Variants in NOTCH1 observed in about 807,000 individuals in gnomAD.
NOTCH1 encodes the protein notch receptor 1.
A neutral mutation model predicts 254.8 loss-of-function variants in NOTCH1; 37 were observed. That is an observed-to-expected ratio of 0.15 (90% CI 0.11 to 0.19). The LOEUF (loss-of-function observed/expected upper bound fraction) is 0.19, where lower values mean the gene tolerates loss of function less well. Ranked by LOEUF, NOTCH1 falls within the 10% of genes least tolerant of loss-of-function variation. The pLI is 1.00. For missense variants in NOTCH1, 2,972 were observed against 3,708.6 expected, an observed-to-expected ratio of 0.80 and a Z score of 5.16; for synonymous variants, 1,731 against 1,618.1, an observed-to-expected ratio of 1.07 and a Z score of -1.68.
chr9:136,537,139 G>A (rs980219059), intron 2 of NOTCH1, among the ~76,000 whole-genome samples: 5 of 152,188 alleles, frequency 3.3e-5, no homozygotes, highest in African/African-American at 1.2e-4. Context: ...TGGCTGCACC[G>A]GCCCAGAGTG....
chr9:136,525,388 C>T (rs1373192351), intron 2 of NOTCH1, among the ~76,000 whole-genome samples: 2 of 152,036 alleles, frequency 1.3e-5, no homozygotes, highest in Non-Finnish European at 2.9e-5. Flanking sequence ...CCTGGCCTTG[C>T]GCTCCGGGAA....
At chr9:136,541,076 CT>C (rs1843726169) in intron 2 of NOTCH1, among the ~76,000 whole-genome samples, 1 of 152,172 alleles carries the variant, frequency 6.6e-6, no homozygotes, top group Non-Finnish European at 1.5e-5. Flanking sequence ...CAGTGACCCC[CT>C]GGGCCTGCTC....
intron 4 of NOTCH1, among the ~76,000 whole-genome samples, chr9:136,519,962 G>A (rs1843340756): frequency 6.6e-6 from 1 of 152,208 alleles, no homozygotes; most frequent in East Asian, 1.9e-4. Context: ...CTGAGCAGCA[G>A]GGGGACATGG....
rs1332025689 is a variant in NOTCH1, at chr9:136,516,183, C to A, written c.1556-89G>T. Reference sequence around the variant, plus strand: ...CTGGCCAGACCCCAGCAGTGAGCGCCTGGCTGGGCTCCCCAGGGCACACTC... The same window carrying A: ...CTGGCCAGACCCCAGCAGTGAGCGCATGGCTGGGCTCCCCAGGGCACACTC... On this transcript the variant is annotated intron_variant, in intron 9 of 33. Coordinates refer to ENST00000651671, the MANE Select transcript of NOTCH1 (RefSeq NM_017617.5). 2.6e-5 allele frequency: 25 copies of A among 978,198 alleles called. No individual in the cohort carries two copies. In the East Asian group the frequency reaches 6.3e-4, roughly 25 times the overall value. The allele number at this position is 978,198 out of a possible 1,614,324, so 60.6% of individuals were successfully genotyped here. A position where few individuals can be genotyped will look rare whatever the true frequency, so the allele number is the denominator to read the frequency against.
In NOTCH1 at chr9:136,521,967, T is replaced by C. The variant is rs554083650; in HGVS notation, c.742+883A>G. The stretch of plus-strand genomic sequence containing the variant: ...GCAGCTGAGATTGGAGGTTTTCTTT[T>C]TTCTCTTCACTTTTTTTTTTTTTTT... On this transcript the variant is annotated intron_variant, in intron 4 of 33. Transcript: ENST00000651671. Among the ~76,000 whole-genome samples the C allele has an allele frequency of 3.9e-5, 6 of 151,986 alleles. No individual in the cohort carries two copies. The East Asian group carries it at 9.7e-4, about 25-fold the overall frequency.
rs776814428 is a variant in NOTCH1 at position 136,505,887 on chromosome 9, CGA to C, written c.4015-8_4015-7del. 1.4e-5 allele frequency: 22 copies of C among 1,583,882 alleles called. 1 individual carries two copies. In the South Asian group the frequency reaches 2.1e-4, roughly 15 times the overall value. On this transcript the variant is annotated splice_region_variant and splice_polypyrimidine_tract_variant and intron_variant, in intron 24 of 33. Transcript: ENST00000651671. ...CACGTGGCGCCCTCGAAGCCCTGCCCGAGAGGGAAGACAGGACGGTGTCGGGG... is the reference window on the plus strand; with the variant it reads ...CACGTGGCGCCCTCGAAGCCCTGCCCGAGGGAAGACAGGACGGTGTCGGGG...
chr9:136,514,610 G>A lies in NOTCH1; in HGVS notation c.2107C>T (p.Arg703Cys), dbSNP rs746213819. 9.9e-6 allele frequency: 16 copies of A among 1,609,852 alleles called. No individual in the cohort carries two copies. The Admixed American group carries it at 1.0e-4, about 10-fold the overall frequency. The change falls in exon 13 of 34, where the codon CGC (arginine) becomes TGC (cysteine). Residue 703 changes from arginine to cysteine, a missense_variant. This residue lies in a region of NOTCH1 where 1,343 missense variants were observed against 1,557.0 expected (regional missense o/e 0.86). Transcript: ENST00000651671. Reference protein sequence around the residue: ...CEDGINGFTCRCPEGYHDPTC... With the variant: ...CEDGINGFTCCCPEGYHDPTC... ...GGGTCGTGGTAGCCCTCGGGGCAGC[G>A]GCAGGTGAAGCCATTGATGCCGTCC...
intron 16 of NOTCH1, 125 bp downstream of exon 16, chr9:136,511,027 C>T: frequency 1.5e-5 from 22 of 1,483,078 alleles, no homozygotes; most frequent in Non-Finnish European, 1.9e-5. Flanking sequence ...CTTCTCCGAC[C>T]AGGGCCTCCT....
chr9:136,514,905 C>G (rs1380392062), intron 12 of NOTCH1, among the ~76,000 whole-genome samples: 1 of 152,176 alleles, frequency 6.6e-6, no homozygotes, highest in Non-Finnish European at 1.5e-5. Context: ...CTCCCAGGGG[C>G]CCCAGGGGCA....
At position 136,545,647 on chromosome 9, in the gene NOTCH1, G is replaced by C. The variant is rs1843804510; in HGVS notation, c.61+79C>G. 8.1e-7 allele frequency: 1 copy of C among 1,230,454 alleles called. No individual in the cohort carries two copies. The highest frequency in any genetic ancestry group is 1.1e-6 in the Non-Finnish European group (1 of 917,220). 76.2% of individuals were successfully genotyped at this position (1,230,454 alleles called of 1,614,324 possible). Reference sequence around the variant, plus strand: ...GCCTCCCCGCCGCCCGCTCCCAGCCGTGGGGCGCGCGCGCCGGGCGCCGCC... The same window carrying C: ...GCCTCCCCGCCGCCCGCTCCCAGCCCTGGGGCGCGCGCGCCGGGCGCCGCC... On this transcript the variant is annotated intron_variant, in intron 1 of 33. Coordinates refer to ENST00000651671, the MANE Select transcript of NOTCH1 (RefSeq NM_017617.5). The surrounding 1 kb of genome is among the most constrained non-coding windows in gnomAD (Gnocchi z 6.8).
rs763217096 is a variant in NOTCH1 at position 136,510,668 on chromosome 9, C to G, written c.2725G>C (p.Asp909His). 3 of 1,607,662 alleles carry G rather than the reference C, an allele frequency of 1.9e-6. No homozygotes were observed. Among genetic ancestry groups the G allele is most frequent in the Non-Finnish European group, 1.7e-6 (2 of 1,179,300 alleles). ...YSGRNCETDI[D>H]DCRPNPCHNG... ...GGCTACTCACTGGGCCGGCAGTCGT[C>G]GATGTCGGTCTCGCAGTTGCGCCCA... The change falls in exon 17 of 34, where the codon GAC becomes CAC. Residue 909 changes from aspartate (D) to histidine (H), a missense_variant. Asp to His is a moderately conservative substitution (Grantham distance 81). Around this residue, in one of 8 missense-constraint regions of NOTCH1, gnomAD observed 1,343 missense variants for 1,557.0 expected, o/e 0.86. Transcript: ENST00000651671.
intron 2 of NOTCH1, among the ~76,000 whole-genome samples, chr9:136,541,224 G>A (rs1039015958): frequency 2.0e-5 from 3 of 152,126 alleles, no homozygotes; most frequent in Non-Finnish European, 2.9e-5. Flanking sequence ...AGGCCACGGC[G>A]ACACTCTGAC....
At position 136,518,835 on chromosome 9, in the gene NOTCH1, C is replaced by G. The variant is rs772682340; in HGVS notation, c.866-11G>C. Reference sequence around the variant, plus strand: ...CGGTACAGTACTGACCTGCAGGGAACAGGAGCTGTCGGCCCCGGGCAGCTG... The same window carrying G: ...CGGTACAGTACTGACCTGCAGGGAAGAGGAGCTGTCGGCCCCGGGCAGCTG... On this transcript the variant is annotated splice_polypyrimidine_tract_variant and intron_variant, in intron 5 of 33. Transcript: ENST00000651671. 3.7e-6 allele frequency: 6 copies of G among 1,611,616 alleles called. No individual in the cohort carries two copies. The Admixed American group carries it at 5.0e-5, about 13-fold the overall frequency.
intron 12 of NOTCH1, 53 bp downstream of exon 12, chr9:136,515,237 G>A (rs1843244632): frequency 1.9e-6 from 3 of 1,557,992 alleles, no homozygotes; most frequent in Non-Finnish European, 2.6e-6. Context: ...CAGAGTGGCT[G>A]ACCTTGACCT....
chr9:136,524,914 G>A (rs964863263), intron 2 of NOTCH1, among the ~76,000 whole-genome samples: 1 of 152,164 alleles, frequency 6.6e-6, no homozygotes, highest in Non-Finnish European at 1.5e-5. Flanking sequence ...GGGATTACAG[G>A]CGTAAGCCAC....
intron 26 of NOTCH1, among the ~76,000 whole-genome samples, chr9:136,504,319 G>A (rs1404608212): frequency 6.6e-6 from 1 of 152,256 alleles, no homozygotes; most frequent in African/African-American, 2.4e-5. Context: ...TTACAGGTGT[G>A]AGCCTCCTCG....
chr9:136,533,302 C>CTGGG (rs1372081074), intron 2 of NOTCH1, among the ~76,000 whole-genome samples: 42 of 55,834 alleles, frequency 7.5e-4, no homozygotes, highest in Admixed American at 1.0e-3. Context: ...CCAGCCAGTG[C>CTGGG]CCAGCCTGAG....
At chr9:136,499,448 G>A (rs1178405061) in intron 31 of NOTCH1, among the ~76,000 whole-genome samples, 189 bp from the exon 32 acceptor site, 1 of 152,262 alleles carries the variant, frequency 6.6e-6, no homozygotes, top group East Asian at 1.9e-4. Context: ...GATGGGGGCA[G>A]GGGCTGTGCT....
At position 136,518,611 on chromosome 9, in the gene NOTCH1, T is replaced by C. The variant is rs2133370643; in HGVS notation, c.1079A>G (p.Glu360Gly). 1 of 1,612,706 alleles carries C rather than the reference T, an allele frequency of 6.2e-7. No homozygotes were observed. The highest frequency in any genetic ancestry group is 8.5e-7 in the Non-Finnish European group (1 of 1,179,918). The change falls in exon 6 of 34, where the codon GAG becomes GGG. Residue 360 changes from glutamate (E) to glycine (G), a missense_variant. By Grantham distance (98) the Glu-to-Gly change is moderately conservative (BLOSUM62 -2). This residue lies in a region of NOTCH1 where 90 missense variants were observed against 183.6 expected (regional missense o/e 0.49). Transcript: ENST00000651671. ...CTCACCTGTGCGGCCATGGGGACAC[T>C]CGCAGTAGAAGGAGGCCACACGGTC... ...CHDRVASFYC[E>G]CPHGRTGLLC...
Sources: allele counts gnomAD v4.1 joint callset (sites outside exome capture counted in the v4.1 genomes callset), GRCh38; gene constraint gnomAD v4.1.1; regional missense constraint gnomAD v4.1.1; non-coding constraint Gnocchi (gnomAD v3.1); transcripts MANE v1.5; gene names NCBI Gene and HGNC (gene_info 2026-07-23, HGNC 2026-07-21).